NFIB: variants seen among roughly 807,000 people sequenced by gnomAD.
NFIB encodes the protein nuclear factor 1 B-type.
In NFIB, 11 loss-of-function variants were observed where a neutral mutation model predicts 61.5. The ratio of observed to expected loss-of-function variants is 0.18; its 90% CI spans 0.11 to 0.30. The LOEUF (loss-of-function observed/expected upper bound fraction) is 0.30, where lower values mean the gene tolerates loss of function less well. Ranked by LOEUF, NFIB falls within the 10% of genes least tolerant of loss-of-function variation. The probability of loss-of-function intolerance (pLI) is 1.00; values close to 1 mark genes in which losing one functional copy is unlikely to be tolerated. For synonymous variants in NFIB, 260 were observed against 216.5 expected (o/e 1.20, Z -1.76); for missense variants, 471 against 608.9 (o/e 0.77, Z 2.38).
the NFIB span, among the ~76,000 whole-genome samples, chr9:14,415,992 C>T: frequency 2.6e-5 from 4 of 152,156 alleles, no homozygotes; most frequent in South Asian, 4.1e-4. Flanking sequence ...AGACACCATC[C>T]GACTAGTCTC....
chr9:14,464,606 G>A, the NFIB span, among the ~76,000 whole-genome samples: 4 of 152,310 alleles, frequency 2.6e-5, no homozygotes, highest in East Asian at 5.8e-4. Flanking sequence ...GCAAGGAATT[G>A]GCCTCAGGGG....
At chr9:14,246,631 G>C (rs1233390166) in intron 2 of NFIB, among the ~76,000 whole-genome samples, 3 of 152,182 alleles carry the variant, frequency 2.0e-5, no homozygotes, top group Non-Finnish European at 4.4e-5. Flanking sequence ...GAGAACTTCA[G>C]TGAGTAATTT....
chr9:14,159,353 C>G (rs1189129257), intron 3 of NFIB, among the ~76,000 whole-genome samples: 2 of 152,206 alleles, frequency 1.3e-5, no homozygotes, highest in South Asian at 2.1e-4. Context: ...TATATCAGAA[C>G]TTCTTTGGAA....
At chr9:14,165,584 T>G (rs890665256) in intron 3 of NFIB, among the ~76,000 whole-genome samples, 1 of 152,124 alleles carries the variant, frequency 6.6e-6, no homozygotes, top group African/African-American at 2.4e-5. Context: ...TACCTAATAA[T>G]AAATCTAAGC....
chr9:14,428,458 T>A, the NFIB span, among the ~76,000 whole-genome samples: 2 of 152,098 alleles, frequency 1.3e-5, no homozygotes, highest in South Asian at 2.1e-4. Context: ...TTCCCTTATG[T>A]TTTGGAGATT....
intron 1 of NFIB, among the ~76,000 whole-genome samples, chr9:14,360,859 T>TAA (rs2061231370): frequency 6.6e-6 from 1 of 152,140 alleles, no homozygotes; most frequent in Non-Finnish European, 1.5e-5. Context: ...CCTGGCCTTA[T>TAA]GGTGATTTTC....
At chr9:14,332,717 A>T (rs530698169) in intron 1 of NFIB, among the ~76,000 whole-genome samples, 1 of 152,368 alleles carries the variant, frequency 6.6e-6, no homozygotes, top group South Asian at 2.1e-4. Flanking sequence ...GTCGTCACTT[A>T]TCAGGCAACA....
intron 1 of NFIB, chr9:14,357,983 G>A (rs1235912275): frequency 6.6e-6 from 1 of 152,168 alleles, no homozygotes; most frequent in African/African-American, 2.4e-5. Flanking sequence ...GCTAGAGCTT[G>A]GGGAGAGTTT....
chr9:14,097,207 C>T (rs2034929937), intron 10 of NFIB, among the ~76,000 whole-genome samples: 1 of 152,086 alleles, frequency 6.6e-6, no homozygotes, highest in Admixed American at 6.6e-5. Context: ...TTAGCAGCCC[C>T]TTTACCAAAC....
intron 1 of NFIB, among the ~76,000 whole-genome samples, chr9:14,348,248 C>T (rs2061058305): frequency 6.6e-6 from 1 of 152,084 alleles, no homozygotes; most frequent in Admixed American, 6.5e-5. Flanking sequence ...GCACCCTTTT[C>T]CTTTTTTGCT....
chr9:14,109,409 G>A (rs961552356), intron 10 of NFIB, among the ~76,000 whole-genome samples: 1 of 151,706 alleles, frequency 6.6e-6, no homozygotes, highest in African/African-American at 2.4e-5. Context: ...AAGTCGGGGC[G>A]GGGGGGTGTT....
the NFIB span, among the ~76,000 whole-genome samples, chr9:14,474,693 T>A: frequency 6.6e-6 from 1 of 152,166 alleles, no homozygotes; most frequent in Non-Finnish European, 1.5e-5. Flanking sequence ...TATGCACTTT[T>A]AAAATACAGT....
At chr9:14,458,623 G>A in the NFIB span, among the ~76,000 whole-genome samples, 335 of 152,250 alleles carry the variant, frequency 2.2e-3, 1 homozygote, top group African/African-American at 7.7e-3. Context: ...AGACCCCATC[G>A]TCTCAGCTCA....
the NFIB span, among the ~76,000 whole-genome samples, chr9:14,453,594 C>T: frequency 6.6e-6 from 1 of 152,148 alleles, no homozygotes; most frequent in Admixed American, 6.5e-5. Flanking sequence ...AAGAACACAG[C>T]ATCATTATTA....
upstream of NFIB, among the ~76,000 whole-genome samples, chr9:14,318,505 CTTTTT>C (rs34481505): frequency 4.5e-5 from 3 of 66,842 alleles, no homozygotes; most frequent in African/African-American, 6.6e-5. Flanking sequence ...CACTCGATGC[CTTTTT>C]TTTTTTTTTT....
the NFIB span, among the ~76,000 whole-genome samples, chr9:14,526,293 T>A: frequency 4.6e-5 from 7 of 152,300 alleles, no homozygotes; most frequent in South Asian, 1.0e-3. Context: ...ATTAAAGCTG[T>A]TTATTACATG....
At position 14,088,246 on chromosome 9, in the gene NFIB, C is replaced by T. The variant is rs1196102259; in HGVS notation, c.*63G>A. 1 of 1,584,364 alleles carries T rather than the reference C, an allele frequency of 6.3e-7. No individual in the cohort carries two copies. Among genetic ancestry groups the T allele is most frequent in the South Asian group, 1.2e-5 (1 of 86,538 alleles). ...GAAAGGTTCTCCAATTATGTTCAAA[C>T]CGTAATTTTGGACATTGGCCGGTAA... On this transcript the variant is annotated 3_prime_UTR_variant, in exon 11 of 11. Coordinates refer to ENST00000380953, the MANE Select transcript of NFIB (RefSeq NM_001190737.2).
chr9:14,308,246 G>T (rs138296506), intron 1 of NFIB, among the ~76,000 whole-genome samples: 1 of 152,112 alleles, frequency 6.6e-6, no homozygotes, highest in Non-Finnish European at 1.5e-5. Flanking sequence ...GACACAGCTC[G>T]TCGTATCAGT....
At chr9:14,115,292 GA>G (rs35048361) in intron 9 of NFIB, among the ~76,000 whole-genome samples, 4 of 148,860 alleles carry the variant, frequency 2.7e-5, no homozygotes, top group East Asian at 2.0e-4. Context: ...CTCTAAGAAA[GA>G]AAAAAAAAAG....
Sources: gnomAD v4.1 joint callset for allele counts (sites outside exome capture counted in the v4.1 genomes callset) on GRCh38, gnomAD v4.1.1 for gene constraint, MANE v1.5 for transcripts, NCBI Gene and HGNC (gene_info 2026-07-23, HGNC 2026-07-21) for gene names.